GPHN: variants seen among roughly 807,000 people sequenced by gnomAD.
GPHN encodes the protein gephyrin.
A neutral mutation model predicts 95.5 loss-of-function variants in GPHN; 17 were observed. That is an observed-to-expected ratio of 0.18 (90% CI 0.12 to 0.27). GPHN has a LOEUF of 0.27. GPHN is among the 10% of genes least tolerant of loss of function. The probability of loss-of-function intolerance (pLI) is 1.00; values close to 1 mark genes in which losing one functional copy is unlikely to be tolerated. For missense variants in GPHN, 660 were observed against 978.1 expected, an observed-to-expected ratio of 0.67 and a Z score of 4.34; for synonymous variants, 320 against 322.5, an observed-to-expected ratio of 0.99 and a Z score of 0.08.
At chr14:66,681,484 A>T (rs2066928455) in intron 2 of GPHN, among the ~76,000 whole-genome samples, 1 of 152,146 alleles carries the variant, frequency 6.6e-6, no homozygotes, top group South Asian at 2.1e-4. Flanking sequence ...TTTCCTTGGG[A>T]AAGAGAGATT....
At chr14:67,532,606 C>T in the GPHN span, among the ~76,000 whole-genome samples, 1 of 152,260 alleles carries the variant, frequency 6.6e-6, no homozygotes, top group South Asian at 2.1e-4. Flanking sequence ...ATACATAAGC[C>T]GGCCTGGAGG....
At chr14:67,733,747 G>T in the GPHN span, 1 of 1,609,640 alleles carries the variant, frequency 6.2e-7, no homozygotes, top group Non-Finnish European at 8.5e-7. Flanking sequence ...GCCCTCCAGT[G>T]ACTGCAAGAG....
intron 2 of GPHN, among the ~76,000 whole-genome samples, chr14:66,714,475 G>A (rs879836037): frequency 6.6e-6 from 1 of 152,078 alleles, no homozygotes; most frequent in Non-Finnish European, 1.5e-5. Context: ...TCAACTATTT[G>A]GATTCCGTTT....
At chr14:67,492,671 C>T in the GPHN span, among the ~76,000 whole-genome samples, 4 of 152,206 alleles carry the variant, frequency 2.6e-5, no homozygotes, top group Non-Finnish European at 5.9e-5. Flanking sequence ...GGTGTGACAA[C>T]AGGACTCCGC....
In GPHN at chr14:66,941,722, TGC is replaced by T. The variant is rs377192328; in HGVS notation, c.828+17431_828+17432del. Among the ~76,000 whole-genome samples, 420 of 152,156 alleles carry T rather than the reference TGC, an allele frequency of 2.8e-3. 8 individuals are homozygous for T. Among genetic ancestry groups the T allele is most frequent in the African/African-American group, 9.6e-3 (398 of 41,468 alleles). Reference sequence around the variant, plus strand: ...ACTTGTTTCTCCAATTGCATCCTGTTGCAAAAGAAAATGGACTTTTATTGCAC... The same window carrying T: ...ACTTGTTTCTCCAATTGCATCCTGTTAAAAGAAAATGGACTTTTATTGCAC... On this transcript the variant is annotated intron_variant, in intron 8 of 22. Coordinates refer to ENST00000478722, the MANE Select transcript of GPHN (RefSeq NM_020806.5).
intron 4 of GPHN, among the ~76,000 whole-genome samples, chr14:66,875,076 G>T (rs146558086): frequency 2.0e-5 from 3 of 152,298 alleles, no homozygotes; most frequent in African/African-American, 4.8e-5. Context: ...AACCCAACAA[G>T]CCAGAAGAGA....
At chr14:66,655,082 T>C (rs1467400113) in intron 1 of GPHN, among the ~76,000 whole-genome samples, 1 of 152,194 alleles carries the variant, frequency 6.6e-6, no homozygotes, top group African/African-American at 2.4e-5. Context: ...TTTTCAAAAT[T>C]GTTTTAGCTA....
chr14:66,795,985 C>T (rs1449209681), intron 3 of GPHN, among the ~76,000 whole-genome samples: 2 of 152,190 alleles, frequency 1.3e-5, no homozygotes, highest in African/African-American at 4.8e-5. Flanking sequence ...ACCCTCTCCC[C>T]CTCTACCCTT....
intron 4 of GPHN, among the ~76,000 whole-genome samples, chr14:66,863,868 C>A (rs1237101184): frequency 6.6e-6 from 1 of 152,128 alleles, no homozygotes; most frequent in African/African-American, 2.4e-5. Context: ...GAAACCATTA[C>A]ATGAAAACAT....
At position 66,589,318 on chromosome 14, in the gene GPHN, G is replaced by A. The variant is rs146950496; in HGVS notation, c.64+80727G>A. On this transcript the variant is annotated intron_variant, in intron 1 of 22. Transcript: ENST00000478722. Reference sequence around the variant, plus strand: ...AGTCTTTCGACACTATGAAGAAACCGCATCAGCTAATGGGCAAAATAACCA... The same window carrying A: ...AGTCTTTCGACACTATGAAGAAACCACATCAGCTAATGGGCAAAATAACCA... Among the ~76,000 whole-genome samples, 403 of 152,180 alleles carry A rather than the reference G, an allele frequency of 2.6e-3. 2 individuals carry two copies. The highest frequency in any genetic ancestry group is 9.0e-3 in the African/African-American group (373 of 41,532).
the GPHN span, chr14:67,533,446 C>G: frequency 6.6e-6 from 1 of 151,928 alleles, no homozygotes; most frequent in African/African-American, 2.4e-5. Context: ...GGCTGCGCCG[C>G]GGCGGAGGGC....
At chr14:67,425,621 G>A in the GPHN span, among the ~76,000 whole-genome samples, 2 of 152,240 alleles carry the variant, frequency 1.3e-5, no homozygotes, top group Admixed American at 1.3e-4. Context: ...GACAAAGCAG[G>A]TGAACCAGTT....
chr14:67,465,674 C>T, the GPHN span, among the ~76,000 whole-genome samples: 5 of 152,216 alleles, frequency 3.3e-5, no homozygotes, highest in Non-Finnish European at 4.4e-5. Flanking sequence ...TGCTTCTCGA[C>T]CCCTATACTG....
At chr14:67,495,361 C>T in the GPHN span, among the ~76,000 whole-genome samples, 20 of 152,252 alleles carry the variant, frequency 1.3e-4, no homozygotes, top group African/African-American at 4.3e-4. Flanking sequence ...TGCCAGAAGA[C>T]GGGGTTAAAC....
the GPHN span, among the ~76,000 whole-genome samples, chr14:67,543,426 A>AGT: frequency 3.9e-5 from 6 of 152,212 alleles, no homozygotes; most frequent in African/African-American, 1.4e-4. Context: ...GATAGAAAGG[A>AGT]ATGAATATAC....
chr14:66,949,268 A>ATTT (rs1485236873), intron 8 of GPHN, among the ~76,000 whole-genome samples: 2 of 152,112 alleles, frequency 1.3e-5, no homozygotes, highest in Non-Finnish European at 2.9e-5. Flanking sequence ...TATTTTTAGT[A>ATTT]GAGACAGGGT....
At chr14:67,646,776 C>T in the GPHN span, 1 of 1,546,896 alleles carries the variant, frequency 6.5e-7, no homozygotes, top group Non-Finnish European at 8.9e-7. Flanking sequence ...AGGGCCTGTC[C>T]TAGCCAATTA....
chr14:66,862,848 A>G (rs2063081121), intron 4 of GPHN, among the ~76,000 whole-genome samples: 1 of 152,122 alleles, frequency 6.6e-6, no homozygotes, highest in Non-Finnish European at 1.5e-5. Context: ...AGCTATATGC[A>G]GCAGACCCAC....
chr14:67,593,685 C>T, the GPHN span: 9 of 969,258 alleles, frequency 9.3e-6, no homozygotes, highest in Admixed American at 3.5e-5. Flanking sequence ...TGGGAACATC[C>T]CATGGGCTGG....
Sources: allele counts gnomAD v4.1 joint callset (sites outside exome capture counted in the v4.1 genomes callset), GRCh38; gene constraint gnomAD v4.1.1; transcripts MANE v1.5; gene names NCBI Gene and HGNC (gene_info 2026-07-23, HGNC 2026-07-21).